The following CENPK variants were observed in gnomAD, a reference collection of about 807,000 sequenced individuals.
CENPK encodes SoxLZ/Sox6-binding protein Solt.
In CENPK, 46 loss-of-function variants were observed where a neutral mutation model predicts 40.9. The observed-to-expected ratio is 1.13, with a 90% CI of 0.89 to 1.44. The LOEUF (loss-of-function observed/expected upper bound fraction) is 1.44, where lower values mean the gene tolerates loss of function less well. Ranked by LOEUF, CENPK falls within the 40% of genes most tolerant of loss-of-function variation. The probability of loss-of-function intolerance (pLI) is 0.00; values close to 1 mark genes in which losing one functional copy is unlikely to be tolerated. For missense variants in CENPK, 288 were observed against 303.5 expected, an observed-to-expected ratio of 0.95 and a Z score of 0.38; for synonymous variants, 107 against 104.4, an observed-to-expected ratio of 1.02 and a Z score of -0.15.
At chr5:65,531,231 A>AT (rs1283242615) in intron 6 of CENPK, among the ~76,000 whole-genome samples, 1 of 152,046 alleles carries the variant, frequency 6.6e-6, no homozygotes, top group Non-Finnish European at 1.5e-5. Context: ...TATATTAAAT[A>AT]TGGTCTAACA....
At chr5:65,516,178 T>C (rs574897683), downstream of CENPK, among the ~76,000 whole-genome samples, 4 of 152,322 alleles carry the variant, frequency 2.6e-5, no homozygotes, top group African/African-American at 9.6e-5. Flanking sequence ...ATTCAGTCCA[T>C]AACAAATGAT....
chr5:65,508,366 G>T, the CENPK span, among the ~76,000 whole-genome samples: 1 of 152,124 alleles, frequency 6.6e-6, no homozygotes, highest in Non-Finnish European at 1.5e-5. Context: ...CCATTTGATT[G>T]TAATTTTCTA....
chr5:65,496,559 AATGC>A, the CENPK span, among the ~76,000 whole-genome samples: 1 of 152,302 alleles, frequency 6.6e-6, no homozygotes, highest in South Asian at 2.1e-4. Context: ...ATATACATAA[AATGC>A]ATACGTAAAC....
chr5:65,496,245 C>G, the CENPK span, among the ~76,000 whole-genome samples: 176 of 136,962 alleles, frequency 1.3e-3, no homozygotes, highest in Non-Finnish European at 2.3e-3. Context: ...GCTATAGAGA[C>G]CTTGTCTCAA....
intron 9 of CENPK, among the ~76,000 whole-genome samples, chr5:65,526,995 G>C (rs1156720480): frequency 1.3e-5 from 2 of 151,946 alleles, no homozygotes; most frequent in South Asian, 4.2e-4. Context: ...CAGGAGGCTG[G>C]GACAGGAGAA....
the CENPK span, among the ~76,000 whole-genome samples, chr5:65,506,377 G>C: frequency 6.6e-6 from 1 of 151,582 alleles, no homozygotes; most frequent in African/African-American, 2.4e-5. Flanking sequence ...GGCAGGGTGA[G>C]GTGGCTCACT....
chr5:65,518,599 T>A lies in CENPK; in HGVS notation c.686A>T (p.Asp229Val). The A allele has an allele frequency of 1.3e-6, 2 of 1,594,542 alleles. No homozygotes were observed. Among genetic ancestry groups the A allele is most frequent in the Non-Finnish European group, 1.7e-6 (2 of 1,164,088 alleles). Residue 229 changes from aspartate to valine, a missense_variant, in exon 11 of 11, where the codon GAT (aspartate) becomes GTT (valine). Asp to Val is a radical substitution (Grantham distance 152, BLOSUM62 -3). Coordinates refer to ENST00000396679, the MANE Select transcript of CENPK (RefSeq NM_022145.5). ...LINRLFDVPH[D>V]PYVKISDSFW... Reference sequence around the variant, plus strand: ...GGAATCACTAATTTTGACATATGGATCATGTGGAACATCAAATAATCTATT... The same window carrying A: ...GGAATCACTAATTTTGACATATGGAACATGTGGAACATCAAATAATCTATT...
chr5:65,518,321 G>T lies in CENPK; in HGVS notation c.*154C>A. 1 of 668,274 alleles carries T rather than the reference G, an allele frequency of 1.5e-6. No homozygotes were observed. The highest frequency in any genetic ancestry group is 2.5e-6 in the Non-Finnish European group (1 of 405,840). 41.4% of individuals were successfully genotyped at this position (668,274 alleles called of 1,614,324 possible). On this transcript the variant is annotated 3_prime_UTR_variant, in exon 11 of 11. Coordinates refer to ENST00000396679, the MANE Select transcript of CENPK (RefSeq NM_022145.5). The stretch of plus-strand genomic sequence containing the variant: ...GAATAAGAAATGACCATTTAAAAAT[G>T]AATAATAGATGGCAGCACATGCCAT...
At chr5:65,503,875 C>T in the CENPK span, among the ~76,000 whole-genome samples, 1 of 151,816 alleles carries the variant, frequency 6.6e-6, no homozygotes, top group Non-Finnish European at 1.5e-5. Flanking sequence ...TCAGACTGGT[C>T]TAGAACTCCT....
At chr5:65,554,694 T>C (rs1750692217) in intron 3 of CENPK, 103 bp downstream of exon 3, 4 of 709,692 alleles carry the variant, frequency 5.6e-6, no homozygotes, top group South Asian at 3.5e-5. Flanking sequence ...TCATACATAA[T>C]GGCTTTTGGA....
chr5:65,526,788 G>A (rs1024693602), intron 9 of CENPK, among the ~76,000 whole-genome samples: 5 of 152,050 alleles, frequency 3.3e-5, no homozygotes, highest in African/African-American at 7.2e-5. Context: ...GCAAGACCTC[G>A]TCTCTAAAAA....
At chr5:65,498,613 TTTTC>T in the CENPK span, among the ~76,000 whole-genome samples, 19 of 148,602 alleles carry the variant, frequency 1.3e-4, no homozygotes, top group Middle Eastern at 3.6e-3. Context: ...TCTTTTCTTT[TTTTC>T]TTTCTTTTTC....
At chr5:65,533,374 A>AAATAAATAAATAAATAAAG (rs1746254652) in intron 6 of CENPK, among the ~76,000 whole-genome samples, 1 of 75,094 alleles carries the variant, frequency 1.3e-5, no homozygotes, top group South Asian at 4.6e-4. Context: ...AATAAATAAA[A>AAATAAATAAATAAATAAAG]TAACAAAATA....
At chr5:65,510,931 G>C in the CENPK span, among the ~76,000 whole-genome samples, 1 of 152,178 alleles carries the variant, frequency 6.6e-6, no homozygotes, top group Non-Finnish European at 1.5e-5. Flanking sequence ...GTGCCACTCA[G>C]GGATTCTTCA....
At chr5:65,508,148 A>C in the CENPK span, among the ~76,000 whole-genome samples, 1 of 152,234 alleles carries the variant, frequency 6.6e-6, no homozygotes, top group Non-Finnish European at 1.5e-5. Context: ...TTCCCTGTGT[A>C]AGTAAGAAAT....
intron 4 of CENPK, 55 bp from the exon 5 acceptor site, chr5:65,551,691 G>A: frequency 1.0e-6 from 1 of 959,666 alleles, no homozygotes; most frequent in Non-Finnish European, 1.6e-6. Flanking sequence ...CCTATTCATA[G>A]ATGAAAATAT....
At chr5:65,532,911 A>C (rs1386200915) in intron 6 of CENPK, among the ~76,000 whole-genome samples, 1 of 21,562 alleles carries the variant, frequency 4.6e-5, no homozygotes, top group South Asian at 2.0e-3. Context: ...CTCCATCTCC[A>C]AAAAAAAAAA....
At chr5:65,535,738 A>G (rs960796085) in intron 6 of CENPK, among the ~76,000 whole-genome samples, 5 of 152,192 alleles carry the variant, frequency 3.3e-5, no homozygotes, top group Non-Finnish European at 5.9e-5. Flanking sequence ...ATAAGCTGCA[A>G]CCAAGAGAAC....
chr5:65,522,127 T>A (rs1191898816), intron 9 of CENPK, among the ~76,000 whole-genome samples: 1 of 152,100 alleles, frequency 6.6e-6, no homozygotes, highest in East Asian at 1.9e-4. Flanking sequence ...TTATATATAA[T>A]CACATAAAAA....
Sources: gnomAD v4.1 joint callset for allele counts (sites outside exome capture counted in the v4.1 genomes callset) on GRCh38, gnomAD v4.1.1 for gene constraint, MANE v1.5 for transcripts, NCBI Gene and HGNC (gene_info 2026-07-23, HGNC 2026-07-21) for gene names.